Variants in ZNF536 observed in about 807,000 individuals in gnomAD.
ZNF536 encodes zinc finger protein 536.
A neutral mutation model predicts 84.5 loss-of-function variants in ZNF536; 13 were observed. That is an observed-to-expected ratio of 0.15 (90% CI 0.10 to 0.24). The LOEUF is 0.24. ZNF536 is among the 10% of genes least tolerant of loss of function. The pLI is 1.00. For missense variants in ZNF536, 1,536 were observed against 1,747.5 expected, an observed-to-expected ratio of 0.88 and a Z score of 2.16; for synonymous variants, 811 against 742.5, an observed-to-expected ratio of 1.09 and a Z score of -1.50.
rs528972531 is a variant in ZNF536 at position 30,380,335 on chromosome 19, C to T, written c.-3+7779C>T. Among the ~76,000 whole-genome samples, 8 of 152,250 alleles carry T rather than the reference C, an allele frequency of 5.3e-5. No individual in the cohort carries two copies. In the South Asian group the frequency reaches 1.0e-3, roughly 20 times the overall value. Reference sequence around the variant, plus strand: ...GGGGTTAAACGTTGGCAGGAAACTTCGTCCTTGCAAATGGGAGCCGTGGTG... The same window carrying T: ...GGGGTTAAACGTTGGCAGGAAACTTTGTCCTTGCAAATGGGAGCCGTGGTG... On this transcript the variant is annotated intron_variant, in intron 1 of 4. Coordinates refer to ENST00000355537, the MANE Select transcript of ZNF536 (RefSeq NM_014717.3).
At chr19:30,352,983 T>TTCTGCA (rs1274683510) in intron 3 of ZNF536, among the ~76,000 whole-genome samples, 2 of 152,222 alleles carry the variant, frequency 1.3e-5, no homozygotes, top group African/African-American at 4.8e-5. Flanking sequence ...TCATAAATTA[T>TTCTGCA]TCTGCACCAT....
intron 1 of ZNF536, among the ~76,000 whole-genome samples, chr19:30,235,574 G>A (rs2023427865): frequency 6.6e-6 from 1 of 152,152 alleles, no homozygotes; most frequent in South Asian, 2.1e-4. Context: ...TAATCTCTTT[G>A]AATAGCTTGA....
chr19:30,313,415 T>C (rs1295374810), intron 2 of ZNF536, among the ~76,000 whole-genome samples: 1 of 152,176 alleles, frequency 6.6e-6, no homozygotes, highest in Non-Finnish European at 1.5e-5. Flanking sequence ...TCCTCCCCAC[T>C]GTGTCAGTCA....
chr19:30,548,370 C>T lies in ZNF536; in HGVS notation c.2751C>T (p.Ser917=), dbSNP rs746317109. 6.2e-7 allele frequency: 1 copy of T among 1,614,056 alleles called. No individual in the cohort carries two copies. Among genetic ancestry groups the T allele is most frequent in the Admixed American group, 1.7e-5 (1 of 60,014 alleles). The part of the protein sequence containing the change: ...IVSNGVNFQG[S]LQAFMDSFVL... ...GCAACGGTGTGAATTTCCAAGGGTCCTTGCAAGCTTTCATGGACAGTTTTG... is the reference window on the plus strand; with the variant it reads ...GCAACGGTGTGAATTTCCAAGGGTCTTTGCAAGCTTTCATGGACAGTTTTG... The change falls in exon 4 of 5, where the codon TCC becomes TCT. Residue 917 remains serine (S), a synonymous_variant. Transcript: ENST00000355537.
chr19:30,638,748 GA>G (rs2049161065), intron 1 of ZNF536, among the ~76,000 whole-genome samples: 1 of 152,306 alleles, frequency 6.6e-6, no homozygotes, highest in Admixed American at 6.5e-5. Flanking sequence ...CTTCTGAGGG[GA>G]TTGTAAGGTA....
chr19:30,512,494 A>G (rs1357193175), intron 2 of ZNF536, among the ~76,000 whole-genome samples: 1 of 152,178 alleles, frequency 6.6e-6, no homozygotes, highest in Non-Finnish European at 1.5e-5. Flanking sequence ...TTTGCCATGC[A>G]GGTCAAAACA....
At chr19:30,573,228 G>T (rs1176389809) in intron 1 of ZNF536, among the ~76,000 whole-genome samples, 2 of 152,178 alleles carry the variant, frequency 1.3e-5, no homozygotes, top group East Asian at 3.9e-4. Flanking sequence ...AACAGAGCTG[G>T]GACTTGGGGC....
rs557684679 is a variant in ZNF536 at position 30,644,429 on chromosome 19, A to G, written c.170-66328A>G. Among the ~76,000 whole-genome samples the G allele has an allele frequency of 5.8e-4, 88 of 152,020 alleles. 4 individuals carry two copies. The South Asian group carries it at 0.017, about 29-fold the overall frequency. On this transcript the variant is annotated intron_variant, in intron 1 of 1. Transcript: ENST00000592773. ...TGTGCACAACATGCAGGTTAGTTAC[A>G]TATGTATACATGTGCCATGCTGGTG...
rs143155538 is a variant in ZNF536 at position 30,346,091 on chromosome 19, C to T, written c.-119-6277C>T. ...CACAGTGTTACAGATTCACTGCCAT[C>T]GGAAAGGCTGTAGGACAGTGGTTCT... On this transcript the variant is annotated intron_variant, in intron 2 of 5. Transcript: ENST00000585628. Among the ~76,000 whole-genome samples the T allele has an allele frequency of 2.0e-3, 298 of 152,254 alleles. 1 individual carries two copies. Among genetic ancestry groups the T allele is most frequent in the African/African-American group, 6.9e-3 (288 of 41,538 alleles).
intron 2 of ZNF536, among the ~76,000 whole-genome samples, chr19:30,516,309 G>T (rs892550306): frequency 6.6e-6 from 1 of 152,164 alleles, no homozygotes; most frequent in South Asian, 2.1e-4. Flanking sequence ...CTCCCTGCAC[G>T]GACCAGCCGG....
At chr19:30,475,597 G>T (rs1384280661) in intron 2 of ZNF536, among the ~76,000 whole-genome samples, 1 of 152,166 alleles carries the variant, frequency 6.6e-6, no homozygotes, top group East Asian at 1.9e-4. Flanking sequence ...GCCACAGTAG[G>T]CATCTTGTCT....
intron 4 of ZNF536, chr19:30,555,615 TC>T (rs1361959193): frequency 1.3e-5 from 2 of 152,190 alleles, no homozygotes; most frequent in Non-Finnish European, 2.9e-5. Flanking sequence ...CCTGCCTCAG[TC>T]TTTGACCAAG....
At chr19:30,349,230 G>T (rs2047849739) in intron 2 of ZNF536, among the ~76,000 whole-genome samples, 1 of 152,228 alleles carries the variant, frequency 6.6e-6, no homozygotes, top group Non-Finnish European at 1.5e-5. Flanking sequence ...TGCAGACAGT[G>T]TTCCAAGTAT....
At chr19:30,295,891 T>C (rs1049764763) in intron 2 of ZNF536, among the ~76,000 whole-genome samples, 1 of 152,216 alleles carries the variant, frequency 6.6e-6, no homozygotes, top group Non-Finnish European at 1.5e-5. Flanking sequence ...CTCCTAGTAC[T>C]GCCCTGTCCT....
At chr19:30,470,916 G>A (rs1437895068) in intron 2 of ZNF536, among the ~76,000 whole-genome samples, 1 of 151,622 alleles carries the variant, frequency 6.6e-6, no homozygotes, top group African/African-American at 2.4e-5. Context: ...TCAAACTCCT[G>A]ACCTCAGACA....
chr19:30,446,206 A>G (rs935893569), intron 2 of ZNF536, among the ~76,000 whole-genome samples: 1 of 129,602 alleles, frequency 7.7e-6, no homozygotes, highest in African/African-American at 2.9e-5. Flanking sequence ...CCAAGATCAC[A>G]CCACTGCACT....
intron 1 of ZNF536, among the ~76,000 whole-genome samples, chr19:30,407,487 C>T (rs1226955879): frequency 6.6e-6 from 1 of 152,138 alleles, no homozygotes; most frequent in Admixed American, 6.5e-5. Flanking sequence ...CCGGAGATCC[C>T]ACAGGGTGAG....
At chr19:30,431,832 A>G (rs1703884699) in intron 1 of ZNF536, among the ~76,000 whole-genome samples, 1 of 152,114 alleles carries the variant, frequency 6.6e-6, no homozygotes, top group African/African-American at 2.4e-5. Context: ...AAGGCGGGTT[A>G]ATAGGGGATT....
At chr19:30,232,601 A>G (rs541292658) in intron 1 of ZNF536, among the ~76,000 whole-genome samples, 1 of 152,278 alleles carries the variant, frequency 6.6e-6, no homozygotes, top group East Asian at 1.9e-4. Context: ...ATCACTGTAG[A>G]TCTCTGGTCT....
Sources: gnomAD v4.1 joint callset for allele counts (sites outside exome capture counted in the v4.1 genomes callset) on GRCh38, gnomAD v4.1.1 for gene constraint, MANE v1.5 for transcripts, NCBI Gene and HGNC (gene_info 2026-07-23, HGNC 2026-07-21) for gene names.